The following DGKB variants were observed in gnomAD, a reference collection of about 807,000 sequenced individuals.
DGKB encodes 90 kDa diacylglycerol kinase.
Under a neutral mutation model 114.3 loss-of-function variants are expected in DGKB, and 67 were observed. The observed-to-expected ratio is 0.59, with a 90% CI of 0.48 to 0.72. DGKB has a LOEUF of 0.72. DGKB is among the 30% of genes least tolerant of loss of function. The pLI, the probability that DGKB is intolerant of heterozygous loss-of-function variation, is 0.00. For synonymous variants in DGKB, 398 were observed against 323.1 expected (o/e 1.23, Z -2.49); for missense variants, 907 against 975.2 (o/e 0.93, Z 0.93).
intron 20 of DGKB, among the ~76,000 whole-genome samples, chr7:14,485,363 A>C (rs10950530): frequency 6.6e-6 from 1 of 150,556 alleles, no homozygotes; most frequent in South Asian, 2.1e-4. Flanking sequence ...ATGCATTATG[A>C]TGCACATCTG....
At chr7:14,325,462 A>G (rs923920344) in intron 23 of DGKB, among the ~76,000 whole-genome samples, 3 of 152,192 alleles carry the variant, frequency 2.0e-5, no homozygotes, top group African/African-American at 7.2e-5. Flanking sequence ...GACAGCAAGA[A>G]ATTACCTGCA....
chr7:14,855,829 A>G (rs188807761), intron 1 of DGKB, among the ~76,000 whole-genome samples: 4 of 152,262 alleles, frequency 2.6e-5, no homozygotes, highest in African/African-American at 7.2e-5. Context: ...AGCAACTCAT[A>G]TATATCTTTG....
intron 15 of DGKB, among the ~76,000 whole-genome samples, chr7:14,618,996 A>T (rs1358047764): frequency 6.6e-6 from 1 of 151,606 alleles, no homozygotes. Context: ...ACACAAAATT[A>T]CTATTTTTTC....
intron 23 of DGKB, chr7:14,209,648 G>T (rs1413128735): frequency 5.4e-6 from 2 of 371,378 alleles, no homozygotes; most frequent in African/African-American, 4.4e-5. Flanking sequence ...AAAAAAAGAA[G>T]CGTTTATCTT....
At chr7:14,520,194 T>A (rs1327765903) in intron 20 of DGKB, among the ~76,000 whole-genome samples, 1 of 146,270 alleles carries the variant, frequency 6.8e-6, no homozygotes, top group East Asian at 2.1e-4. Flanking sequence ...TATTATTGAC[T>A]TTTATCTTTT....
intron 20 of DGKB, among the ~76,000 whole-genome samples, chr7:14,516,159 G>GA (rs1296893146): frequency 6.6e-6 from 1 of 152,016 alleles, no homozygotes; most frequent in Non-Finnish European, 1.5e-5. Context: ...TATTTTTAAA[G>GA]AAAAACAATT....
At chr7:14,807,595 G>T (rs1842928067) in intron 2 of DGKB, among the ~76,000 whole-genome samples, 1 of 151,922 alleles carries the variant, frequency 6.6e-6, no homozygotes, top group African/African-American at 2.4e-5. Flanking sequence ...CAGTATTGTT[G>T]TGTTTCACAA....
In DGKB at chr7:14,304,085, ACACT is replaced by A. The variant is rs764272763; in HGVS notation, c.2122+34426_2122+34429del. On this transcript the variant is annotated intron_variant, in intron 23 of 25. Coordinates refer to ENST00000402815, the MANE Select transcript of DGKB (RefSeq NM_001350709.2). ...CACACACACACACACACACACACACACACTCTCTCTCTCTCACCCCTACCTCAAG... is the reference window on the plus strand; with the variant it reads ...CACACACACACACACACACACACACACTCTCTCTCTCACCCCTACCTCAAG... Among the ~76,000 whole-genome samples the A allele has an allele frequency of 6.0e-3, 170 of 28,538 alleles. 1 individual carries two copies. The highest frequency in any genetic ancestry group is 0.03 in the South Asian group (23 of 768). 18.7% of individuals were successfully genotyped at this position (28,538 alleles called of 152,430 possible).
At chr7:14,724,697 T>C (rs1829753752) in intron 5 of DGKB, among the ~76,000 whole-genome samples, 1 of 152,240 alleles carries the variant, frequency 6.6e-6, no homozygotes, top group South Asian at 2.1e-4. Context: ...TGGTCTTATT[T>C]GACCCTACAA....
intron 14 of DGKB, among the ~76,000 whole-genome samples, chr7:14,623,868 G>A (rs142258479): frequency 3.2e-4 from 48 of 152,276 alleles, no homozygotes; most frequent in African/African-American, 1.1e-3. Flanking sequence ...CAGAATGCCT[G>A]AGTTGAATCT....
intron 1 of DGKB, among the ~76,000 whole-genome samples, chr7:14,910,118 T>A (rs140350747): frequency 3.0e-4 from 45 of 151,886 alleles, no homozygotes; most frequent in African/African-American, 1.0e-3. Context: ...GTGACTAATG[T>A]AGTCCCTAGC....
chr7:14,637,623 C>T lies in DGKB; in HGVS notation c.1135-7355G>A, dbSNP rs1035876094. Among the ~76,000 whole-genome samples, 14 of 150,622 alleles carry T rather than the reference C, an allele frequency of 9.3e-5. 1 individual carries two copies. The highest frequency in any genetic ancestry group is 8.6e-4 in the Admixed American group (13 of 15,086). On this transcript the variant is annotated intron_variant, in intron 13 of 25. Coordinates refer to ENST00000402815, the MANE Select transcript of DGKB (RefSeq NM_001350709.2). ...TTATATACCTATATATGTGTATATA[C>T]ACATATATACATATATATATATGCA...
intron 2 of DGKB, among the ~76,000 whole-genome samples, chr7:14,802,462 T>G (rs1421381410): frequency 6.6e-6 from 1 of 152,168 alleles, no homozygotes; most frequent in Non-Finnish European, 1.5e-5. Context: ...CTCAGACTAT[T>G]TTTTGAAGAT....
At chr7:14,604,378 G>GA (rs946568544) in intron 17 of DGKB, among the ~76,000 whole-genome samples, 1 of 151,292 alleles carries the variant, frequency 6.6e-6, no homozygotes, top group Non-Finnish European at 1.5e-5. Context: ...CATAGTTTTT[G>GA]AAAAAAAATA....
rs1226324977 is a variant in DGKB, at chr7:14,231,076, TC to T, written c.2123-52926del. Among the ~76,000 whole-genome samples the T allele has an allele frequency of 1.0e-4, 15 of 150,664 alleles. No homozygotes were observed. In the East Asian group the frequency reaches 1.6e-3, roughly 16 times the overall value. On this transcript the variant is annotated intron_variant, in intron 23 of 25. Transcript: ENST00000402815. ...TTAAGCAAGGTTAAAAATTCTTTCT[TC>T]TTTCCCTTTCTTTCTTTCTTTCTTT...
chr7:14,750,967 C>A (rs558479401), intron 4 of DGKB, among the ~76,000 whole-genome samples: 2 of 151,826 alleles, frequency 1.3e-5, no homozygotes, highest in South Asian at 2.1e-4. Context: ...CCTCACCCAG[C>A]TAATTTTTGT....
chr7:14,971,255 A>C (rs1426225037), intron 1 of DGKB, among the ~76,000 whole-genome samples: 1 of 152,172 alleles, frequency 6.6e-6, no homozygotes, highest in Non-Finnish European at 1.5e-5. Flanking sequence ...TCTTGGGCTC[A>C]TGAAAGGAAC....
At chr7:14,150,296 C>T (rs1212710768) in intron 25 of DGKB, among the ~76,000 whole-genome samples, 1 of 152,078 alleles carries the variant, frequency 6.6e-6, no homozygotes, top group African/African-American at 2.4e-5. Context: ...AGCACCACCT[C>T]ATTAAAAGCT....
At chr7:14,706,857 G>C (rs1435264463) in intron 6 of DGKB, among the ~76,000 whole-genome samples, 1 of 120,440 alleles carries the variant, frequency 8.3e-6, no homozygotes, top group Non-Finnish European at 1.7e-5. Flanking sequence ...GCCCACAAGA[G>C]AAAGCAGGAA....
Sources: allele counts gnomAD v4.1 joint callset (sites outside exome capture counted in the v4.1 genomes callset), GRCh38; gene constraint gnomAD v4.1.1; transcripts MANE v1.5; gene names NCBI Gene and HGNC (gene_info 2026-07-23, HGNC 2026-07-21).